Variants in CRISPLD2 observed in about 807,000 individuals in gnomAD.
CRISPLD2 encodes cysteine rich secretory protein LCCL domain containing 2.
In CRISPLD2, 47 loss-of-function variants were observed where a neutral mutation model predicts 71.1. The observed-to-expected ratio is 0.66, with a 90% CI of 0.52 to 0.84. CRISPLD2 has a LOEUF of 0.84. Among genes scored for constraint, CRISPLD2 ranks in the 40% least tolerant of loss-of-function variants. The pLI is 0.00. For missense variants in CRISPLD2, 830 were observed against 651.1 expected (o/e 1.27, Z -2.99); for synonymous variants, 317 against 250.1 (o/e 1.27, Z -2.52).
intron 2 of CRISPLD2, among the ~76,000 whole-genome samples, chr16:84,844,957 C>T (rs1459265605): frequency 2.0e-5 from 3 of 152,168 alleles, no homozygotes; most frequent in African/African-American, 7.2e-5. Flanking sequence ...AGGGTAACTG[C>T]GTGCCTAGGT....
chr16:84,847,165 C>A (rs1003813606), intron 3 of CRISPLD2, among the ~76,000 whole-genome samples: 1 of 152,158 alleles, frequency 6.6e-6, no homozygotes, highest in African/African-American at 2.4e-5. Context: ...TGTAGGTGAG[C>A]GTTTGCTTTC....
At chr16:84,831,973 G>A (rs1023650898) in intron 1 of CRISPLD2, among the ~76,000 whole-genome samples, 1 of 152,248 alleles carries the variant, frequency 6.6e-6, no homozygotes. Context: ...GACCTCAGGT[G>A]ATCCACCCAC....
At chr16:84,820,517 G>T (rs1247697339) in intron 1 of CRISPLD2, among the ~76,000 whole-genome samples, 1 of 152,206 alleles carries the variant, frequency 6.6e-6, no homozygotes, top group Non-Finnish European at 1.5e-5. Flanking sequence ...GATATGGCAG[G>T]CATTAGAATG....
intron 3 of CRISPLD2, 23 bp downstream of exon 3, chr16:84,845,927 C>T (rs373485386): frequency 1.3e-5 from 19 of 1,513,456 alleles, no homozygotes; most frequent in African/African-American, 5.5e-5. Context: ...AGTTCCTCTC[C>T]GGCTGCCGCA....
chr16:84,866,427 G>C (rs976723020), intron 6 of CRISPLD2, among the ~76,000 whole-genome samples: 2 of 152,068 alleles, frequency 1.3e-5, no homozygotes, highest in African/African-American at 4.8e-5. Context: ...GTAGAGACGG[G>C]GTTTCGCCAT....
intron 14 of CRISPLD2, among the ~76,000 whole-genome samples, chr16:84,896,338 C>A (rs552436586): frequency 2.0e-5 from 3 of 151,908 alleles, no homozygotes; most frequent in Admixed American, 2.0e-4. Context: ...TGTGAGCCAC[C>A]GTGCCCAGCC....
At chr16:84,890,053 C>T in intron 14 of CRISPLD2, among the ~76,000 whole-genome samples, 1 of 152,122 alleles carries the variant, frequency 6.6e-6, no homozygotes, top group East Asian at 1.9e-4. Context: ...TGGTGCCTAC[C>T]TATTGCCAGT....
At chr16:84,867,819 C>T (rs1402009321) in intron 7 of CRISPLD2, among the ~76,000 whole-genome samples, 1 of 152,178 alleles carries the variant, frequency 6.6e-6, no homozygotes, top group Non-Finnish European at 1.5e-5. Flanking sequence ...CCCTGCTCAC[C>T]TTTGGCCTTT....
intron 7 of CRISPLD2, 148 bp downstream of exon 7, chr16:84,867,188 C>A: frequency 1.3e-6 from 1 of 753,196 alleles, no homozygotes; most frequent in Non-Finnish European, 2.1e-6. Flanking sequence ...GGAGGCACAA[C>A]CATAAGACGT....
At chr16:84,850,038 A>G (rs1917040243) in intron 4 of CRISPLD2, among the ~76,000 whole-genome samples, 1 of 151,182 alleles carries the variant, frequency 6.6e-6, no homozygotes, top group African/African-American at 2.4e-5. Context: ...GAAAACTTCT[A>G]TGGCAATTTG....
At chr16:84,893,060 A>C (rs530739759) in intron 14 of CRISPLD2, among the ~76,000 whole-genome samples, 1 of 151,320 alleles carries the variant, frequency 6.6e-6, no homozygotes, top group Non-Finnish European at 1.5e-5. Flanking sequence ...CAGATGATTG[A>C]GCCCTAGAAC....
chr16:84,866,966 A>G lies in CRISPLD2; in HGVS notation c.779A>G (p.Glu260Gly), dbSNP rs1917556091. ...GTGGAAACGGCTCCCATTCCTGAAG[A>G]AAACCATGTTTGGCTCCAACCGAGG... ...NEVETAPIPEENHVWLQPRVM... is the reference protein window; with the variant it reads ...NEVETAPIPEGNHVWLQPRVM... The change falls in exon 7 of 15, where the codon GAA (glutamate) becomes GGA (glycine). Residue 260 changes from glutamate (E) to glycine (G), a missense_variant. By Grantham distance (98) the Glu-to-Gly change is moderately conservative. Transcript: ENST00000262424. 6.2e-7 allele frequency: 1 copy of G among 1,613,994 alleles called. No homozygotes were observed. Among genetic ancestry groups the G allele is most frequent in the African/African-American group, 1.3e-5 (1 of 74,896 alleles).
chr16:84,903,367 G>A (rs2071772379), intron 14 of CRISPLD2, among the ~76,000 whole-genome samples: 1 of 152,108 alleles, frequency 6.6e-6, no homozygotes, highest in African/African-American at 2.4e-5. Context: ...ATGAGCTCAG[G>A]CGTTTGAGAC....
chr16:84,832,579 G>C, intron 1 of CRISPLD2, among the ~76,000 whole-genome samples: 1 of 152,276 alleles, frequency 6.6e-6, no homozygotes, highest in Admixed American at 6.5e-5. Context: ...TTACACTGGA[G>C]GTTTCTAGGA....
At chr16:84,888,554 C>G (rs1281382799) in intron 13 of CRISPLD2, among the ~76,000 whole-genome samples, 1 of 152,136 alleles carries the variant, frequency 6.6e-6, no homozygotes, top group Non-Finnish European at 1.5e-5. Flanking sequence ...CCCTTGGTAC[C>G]TAGAATAGTC....
rs757030374 is a variant in CRISPLD2 at position 84,902,772 on chromosome 16, C to CTTTTTTTTTT, written c.1440-3806_1440-3797dup. 2.2e-4 allele frequency among the ~76,000 whole-genome samples: 19 copies of CTTTTTTTTTT among 85,960 alleles called. 1 individual carries two copies. Among genetic ancestry groups the CTTTTTTTTTT allele is most frequent in the African/African-American group, 8.8e-4 (17 of 19,268 alleles). 56.4% of individuals were successfully genotyped at this position (85,960 alleles called of 152,430 possible). On this transcript the variant is annotated intron_variant, in intron 14 of 14. Transcript: ENST00000262424. ...TATTTTTTGGAAAATCGGCCCATTG[C>CTTTTTTTTTT]TTTTTTTTTTTTTTTTTTTGAGACA...
At chr16:84,857,840 A>G (rs1373114663) in intron 6 of CRISPLD2, among the ~76,000 whole-genome samples, 2 of 152,152 alleles carry the variant, frequency 1.3e-5, no homozygotes, top group Non-Finnish European at 2.9e-5. Flanking sequence ...TTATGTAACT[A>G]ACTTGTGCTT....
chr16:84,877,506 C>T lies in CRISPLD2; in HGVS notation c.1225C>T (p.Pro409Ser), dbSNP rs375408602. The T allele has an allele frequency of 1.9e-5, 31 of 1,613,716 alleles. No individual in the cohort carries two copies. The highest frequency in any genetic ancestry group is 5.0e-5 in the Admixed American group (3 of 60,000). The change falls in exon 12 of 15, where the codon CCA (proline) becomes TCA (serine). Residue 409 changes from proline to serine, a missense_variant. By Grantham distance (74) the Pro-to-Ser change is moderately conservative. Coordinates refer to ENST00000262424, the MANE Select transcript of CRISPLD2 (RefSeq NM_031476.4). Reference sequence around the variant, plus strand: ...GTTTGAAAAGCCAGCAACTCACTGCCCAAGGTAAGGCGGGCCTGATCTGTC... The same window carrying T: ...GTTTGAAAAGCCAGCAACTCACTGCTCAAGGTAAGGCGGGCCTGATCTGTC... The part of the protein sequence containing the change: ...CPFEKPATHC[P>S]RIHCPAHCKD...
rs905650660 is a variant in CRISPLD2, at chr16:84,873,779, C to G, written c.1113-141C>G. The G allele has an allele frequency of 1.6e-5, 13 of 792,070 alleles. No homozygotes were observed. The African/African-American group carries it at 2.1e-4, about 13-fold the overall frequency. 49.1% of individuals were successfully genotyped at this position (792,070 alleles called of 1,614,324 possible). The stretch of plus-strand genomic sequence containing the variant: ...CCTGGTCTAGAACATTCTAAGAGCT[C>G]TCAGGCTGATAGGAAACAAGTAGAA... On this transcript the variant is annotated intron_variant, in intron 10 of 14. Transcript: ENST00000262424.
Sources: gnomAD v4.1 joint callset for allele counts (sites outside exome capture counted in the v4.1 genomes callset) on GRCh38, gnomAD v4.1.1 for gene constraint, MANE v1.5 for transcripts, NCBI Gene and HGNC (gene_info 2026-07-23, HGNC 2026-07-21) for gene names.